The following KANK2 variants were observed in gnomAD, a reference collection of about 807,000 sequenced individuals.
The protein encoded by KANK2 is KN motif and ankyrin repeat domain-containing protein 2.
KANK2 carries 41 observed loss-of-function variants against 74.6 expected under a neutral mutation model. The ratio of observed to expected loss-of-function variants is 0.55; its 90% CI spans 0.43 to 0.71. The LOEUF (loss-of-function observed/expected upper bound fraction) is 0.71, where lower values mean the gene tolerates loss of function less well. KANK2 is among the 30% of genes least tolerant of loss of function. The pLI is 0.00. For missense variants in KANK2, 1,148 were observed against 1,196.4 expected, an observed-to-expected ratio of 0.96 and a Z score of 0.60; for synonymous variants, 537 against 519.0, an observed-to-expected ratio of 1.03 and a Z score of -0.47.
At chr19:11,188,915 G>A (rs1195221551) in intron 4 of KANK2, among the ~76,000 whole-genome samples, 1 of 151,882 alleles carries the variant, frequency 6.6e-6, no homozygotes, top group African/African-American at 2.4e-5. Flanking sequence ...AACCCAGGAG[G>A]TGGAGGTTGC....
In KANK2 at chr19:11,175,955, A is replaced by C. The variant is rs765956428; in HGVS notation, c.1795T>G (p.Leu599Val). ...ELSPDLISAC[L>V]ALEKYLDNPN... ...TTGTCCAGGTACTTTTCCAGGGCCAAGCAGGCTGAGATGAGGTCAGGGCTT... is the reference window on the plus strand; with the variant it reads ...TTGTCCAGGTACTTTTCCAGGGCCACGCAGGCTGAGATGAGGTCAGGGCTT... Residue 599 changes from leucine to valine, a missense_variant, in exon 8 of 13, where the codon TTG (leucine) becomes GTG (valine). By Grantham distance (32) the Leu-to-Val change is conservative. Transcript: ENST00000586659. 1.9e-6 allele frequency: 3 copies of C among 1,613,982 alleles called. No individual in the cohort carries two copies. The highest frequency in any genetic ancestry group is 1.7e-6 in the Non-Finnish European group (2 of 1,179,922).
intron 4 of KANK2, among the ~76,000 whole-genome samples, chr19:11,181,389 G>A (rs542615554): frequency 6.6e-6 from 1 of 151,880 alleles, no homozygotes; most frequent in East Asian, 2.0e-4. Context: ...TGGGATTACA[G>A]GAGCCAACCA....
intron 4 of KANK2, among the ~76,000 whole-genome samples, chr19:11,179,337 A>G (rs894173410): frequency 6.5e-5 from 9 of 139,178 alleles, no homozygotes; most frequent in Non-Finnish European, 1.4e-4. Flanking sequence ...AAAAAATCAG[A>G]GATAAAAACA....
chr19:11,195,478 C>G (rs1401873695), intron 2 of KANK2, 144 bp downstream of exon 2: 1 of 152,322 alleles, frequency 6.6e-6, no homozygotes. Flanking sequence ...CTCCAGCCAT[C>G]ATGCTGCAGA....
At chr19:11,183,919 C>G (rs1215062492) in intron 4 of KANK2, among the ~76,000 whole-genome samples, 1 of 152,086 alleles carries the variant, frequency 6.6e-6, no homozygotes, top group African/African-American at 2.4e-5. Flanking sequence ...GGGGGTCTTA[C>G]TATGTTACCT....
intron 7 of KANK2, 102 bp downstream of exon 7, chr19:11,176,476 G>T: frequency 1.5e-6 from 2 of 1,321,718 alleles, no homozygotes; most frequent in South Asian, 1.5e-5. Flanking sequence ...AAGTGTGCAT[G>T]ACTGATAGGA....
intron 2 of KANK2, 33 bp downstream of exon 2, chr19:11,195,589 G>A (rs7250778): frequency 0.34 from 51,377 of 152,316 alleles, 9,467 homozygotes; most frequent in South Asian, 0.51. Context: ...GCACCTGCTG[G>A]GCATGAAGGC....
At chr19:11,178,200 T>G in intron 6 of KANK2, 145 bp downstream of exon 6, 1 of 743,012 alleles carries the variant, frequency 1.3e-6, no homozygotes, top group Non-Finnish European at 2.0e-6. Context: ...TATGCCTCAG[T>G]TTCCTCATCT....
At chr19:11,185,093 G>C (rs2078638996) in intron 4 of KANK2, among the ~76,000 whole-genome samples, 1 of 149,382 alleles carries the variant, frequency 6.7e-6, no homozygotes, top group Non-Finnish European at 1.5e-5. Context: ...TGTTGCCCAG[G>C]CTGGAGTCCA....
Position 11,192,863 on chromosome 19 carries a change from C to A in KANK2, c.1217G>T (p.Ser406Ile), listed in dbSNP as rs747930352. ...TCCATCGCAGCTTCGCTCTGTGATGCTAATCTTCTTCACCATATGGACGTT... is the reference window on the plus strand; with the variant it reads ...TCCATCGCAGCTTCGCTCTGTGATGATAATCTTCTTCACCATATGGACGTT... ...TSNVHMVKKISITERSCDGAA... is the reference protein window; with the variant it reads ...TSNVHMVKKIIITERSCDGAA... Residue 406 changes from serine to isoleucine, a missense_variant, in exon 4 of 13, where the codon AGC becomes ATC. Physicochemically the swap from Ser to Ile is moderately radical, Grantham distance 142. Transcript: ENST00000586659. 9 of 1,580,978 alleles carry A rather than the reference C, an allele frequency of 5.7e-6. No homozygotes were observed. In the East Asian group the frequency reaches 2.2e-4, roughly 39 times the overall value.
chr19:11,188,214 T>C (rs943995528), intron 4 of KANK2, among the ~76,000 whole-genome samples: 1 of 151,790 alleles, frequency 6.6e-6, no homozygotes, highest in African/African-American at 2.4e-5. Context: ...TAATTTTTTT[T>C]TTTTTTGAGA....
In KANK2 at chr19:11,192,581, G is replaced by A. The variant is rs376349250; in HGVS notation, c.1249+250C>T. Reference sequence around the variant, plus strand: ...TCCTGGGTAGCTGAGGTTTACAGGCGCACGCCACCACACCTGGCTAATTTT... The same window carrying A: ...TCCTGGGTAGCTGAGGTTTACAGGCACACGCCACCACACCTGGCTAATTTT... On this transcript the variant is annotated intron_variant, in intron 4 of 12. Transcript: ENST00000586659. The A allele has an allele frequency of 6.2e-4, 267 of 429,892 alleles. 1 individual carries two copies. The highest frequency in any genetic ancestry group is 4.7e-3 in the East Asian group (87 of 18,426). The allele number at this position is 429,892 out of a possible 1,614,324, so 26.6% of individuals were successfully genotyped here.
In KANK2 at chr19:11,193,805, C is replaced by T. The variant is rs753738242; in HGVS notation, c.275G>A (p.Ser92Asn). Residue 92 changes from serine (S) to asparagine (N), a missense_variant, in exon 4 of 13, where the codon AGT becomes AAT. Coordinates refer to ENST00000586659, the MANE Select transcript of KANK2 (RefSeq NM_001136191.3). This position sits in a 1 kb window ranked among gnomAD's most constrained non-coding sequence, Gnocchi z 9.6. ...ATAGGCTGAGTGGCGGCTGTCCCCACTGGCATTGGAGCACAGCGACTCAGT... is the reference window on the plus strand; with the variant it reads ...ATAGGCTGAGTGGCGGCTGTCCCCATTGGCATTGGAGCACAGCGACTCAGT... ...TSTESLCSNASGDSRHSAYSY... is the reference protein window; with the variant it reads ...TSTESLCSNANGDSRHSAYSY... 1.6e-5 allele frequency: 25 copies of T among 1,612,676 alleles called. No individual in the cohort carries two copies. The highest frequency in any genetic ancestry group is 1.9e-5 in the Non-Finnish European group (22 of 1,179,686).
At chr19:11,177,222 G>A (rs980945263) in intron 6 of KANK2, among the ~76,000 whole-genome samples, 1 of 151,520 alleles carries the variant, frequency 6.6e-6, no homozygotes, top group Admixed American at 6.6e-5. Flanking sequence ...AAATACCTGG[G>A]ACTACAGGTT....
In KANK2 at chr19:11,178,525, T is replaced by A. The variant is rs372416708; in HGVS notation, c.1417+28A>T. The A allele has an allele frequency of 5.4e-5, 87 of 1,602,742 alleles. No individual in the cohort carries two copies. The African/African-American group carries it at 1.0e-3, about 19-fold the overall frequency. ...GAACTGGCGCCATCCCGGTGCCCCG[T>A]CCCTCTTGGCGGCCACCCACCACTT... is the stretch of plus-strand genomic sequence containing the variant. On this transcript the variant is annotated intron_variant, in intron 5 of 12. Transcript: ENST00000586659.
rs752660871 is a variant in KANK2, at chr19:11,174,686, C to A, written c.1855G>T (p.Ala619Ser). ...NALTERELKV[A>S]YTTVLQEWLR... ...CACTCCTGCAGCACTGTGGTGTAGG[C>A]CACTTTCTGCATGCGAGTCAGGTGG... Residue 619 changes from alanine (A) to serine (S), a missense_variant, in exon 9 of 13, where the codon GCC (alanine) becomes TCC (serine). Transcript: ENST00000586659. The A allele has an allele frequency of 6.3e-7, 1 of 1,599,294 alleles. No homozygotes were observed. The highest frequency in any genetic ancestry group is 2.3e-5 in the East Asian group (1 of 44,258).
rs772340018 is a variant in KANK2 at position 11,192,786 on chromosome 19, C to G, written c.1249+45G>C. 1.0e-5 allele frequency: 16 copies of G among 1,552,480 alleles called. 1 individual carries two copies. The highest frequency in any genetic ancestry group is 7.0e-5 in the Admixed American group (4 of 57,190). On this transcript the variant is annotated intron_variant, in intron 4 of 12. Coordinates refer to ENST00000586659, the MANE Select transcript of KANK2 (RefSeq NM_001136191.3). ...GATGAGCCATGGGAAGAAAGAGGCC[C>G]CCCCCCCCCAAGCCATTCTCCCCTG... is the stretch of plus-strand genomic sequence containing the variant.
At position 11,170,294 on chromosome 19, in the gene KANK2, G is replaced by A; in HGVS notation, c.2212-46C>T. ...GATTATGGTTCATGCAGGCCCCAGG[G>A]CAGGACACCCCCTGGTCTAGAACCT... On this transcript the variant is annotated intron_variant, in intron 10 of 12. Coordinates refer to ENST00000586659, the MANE Select transcript of KANK2 (RefSeq NM_001136191.3). The surrounding 1 kb of genome is among the most constrained non-coding windows in gnomAD (Gnocchi z 5.2). The A allele has an allele frequency of 6.5e-7, 1 of 1,534,640 alleles. No individual in the cohort carries two copies. Among genetic ancestry groups the A allele is most frequent in the South Asian group, 1.1e-5 (1 of 89,524 alleles).
Position 11,176,690 on chromosome 19 carries a change from C to T in KANK2, c.1648G>A (p.Ala550Thr), listed in dbSNP as rs1490533143. 6.2e-7 allele frequency: 1 copy of T among 1,613,436 alleles called. No individual in the cohort carries two copies. Among genetic ancestry groups the T allele is most frequent in the South Asian group, 1.1e-5 (1 of 90,934 alleles). Residue 550 changes from alanine (A) to threonine (T), a missense_variant, in exon 7 of 13, where the codon GCA becomes ACA. Transcript: ENST00000586659. The part of the protein sequence containing the change: ...SVAEAPQLRP[A>T]GTAAAKTSRQ... ...CTGGTCTTGGCCGCTGCCGTCCCTG[C>T]AGGCCTGAGCTGGGGGGCTTCGGCC...
Sources: allele counts gnomAD v4.1 joint callset (sites outside exome capture counted in the v4.1 genomes callset), GRCh38; gene constraint gnomAD v4.1.1; non-coding constraint Gnocchi (gnomAD v3.1); transcripts MANE v1.5; gene names NCBI Gene and HGNC (gene_info 2026-07-23, HGNC 2026-07-21).